The following LGR4 variants were observed in gnomAD, a reference collection of about 807,000 sequenced individuals.
The protein encoded by LGR4 is leucine rich repeat containing G protein-coupled receptor 4.
Under a neutral mutation model 84.8 loss-of-function variants are expected in LGR4, and 44 were observed. The observed-to-expected ratio is 0.52, with a 90% CI of 0.41 to 0.67. The LOEUF is 0.67. Ranked by LOEUF, LGR4 falls within the 30% of genes least tolerant of loss-of-function variation. LGR4 has a pLI of 0.00. For missense variants in LGR4, 1,032 were observed against 1,131.4 expected, an observed-to-expected ratio of 0.91 and a Z score of 1.26; for synonymous variants, 429 against 434.3, an observed-to-expected ratio of 0.99 and a Z score of 0.15.
chr11:27,405,635 C>T (rs1006114011), intron 2 of LGR4, among the ~76,000 whole-genome samples: 1 of 152,098 alleles, frequency 6.6e-6, no homozygotes, highest in Non-Finnish European at 1.5e-5. Flanking sequence ...TGCATTATTG[C>T]TAATTTTCGT....
intron 1 of LGR4, among the ~76,000 whole-genome samples, chr11:27,438,305 T>A (rs1481690910): frequency 6.6e-6 from 1 of 152,204 alleles, no homozygotes; most frequent in African/African-American, 2.4e-5. Context: ...ACCTAAGACA[T>A]TTATACTCTT....
intron 1 of LGR4, among the ~76,000 whole-genome samples, chr11:27,428,391 G>T (rs757227520): frequency 1.3e-5 from 2 of 152,028 alleles, no homozygotes; most frequent in African/African-American, 4.8e-5. Context: ...TGCCTGCCTC[G>T]GCCTCCCAAA....
chr11:27,383,416 T>A (rs1863134478), intron 6 of LGR4, among the ~76,000 whole-genome samples: 1 of 152,208 alleles, frequency 6.6e-6, no homozygotes, highest in Admixed American at 6.5e-5. Flanking sequence ...ACCTATTCAA[T>A]CTTTTATTTA....
intron 1 of LGR4, among the ~76,000 whole-genome samples, chr11:27,419,312 G>T (rs1863878975): frequency 6.6e-6 from 1 of 151,920 alleles, no homozygotes. Flanking sequence ...CACATGAAAA[G>T]ATGTTCATAG....
chr11:27,417,789 T>C (rs1018835586), intron 1 of LGR4, among the ~76,000 whole-genome samples: 2 of 152,224 alleles, frequency 1.3e-5, no homozygotes, highest in African/African-American at 2.4e-5. Flanking sequence ...TGAAATCGTA[T>C]AGTTCTGAAC....
intron 1 of LGR4, among the ~76,000 whole-genome samples, chr11:27,452,924 A>G (rs1864512087): frequency 6.6e-6 from 1 of 151,900 alleles, no homozygotes; most frequent in African/African-American, 2.4e-5. Context: ...TCTGTGTAAT[A>G]GCCTGTTGTA....
intron 2 of LGR4, among the ~76,000 whole-genome samples, chr11:27,409,608 A>G (rs751275333): frequency 1.3e-5 from 2 of 152,050 alleles, no homozygotes; most frequent in African/African-American, 2.4e-5. Flanking sequence ...CCTTCAGAAC[A>G]AGTCTAAATT....
At chr11:27,443,127 C>A (rs530564794) in intron 1 of LGR4, among the ~76,000 whole-genome samples, 1 of 152,110 alleles carries the variant, frequency 6.6e-6, no homozygotes, top group Non-Finnish European at 1.5e-5. Context: ...CACAAGGATG[C>A]CTCAAAAATG....
At chr11:27,377,007 C>T (rs567307138) in intron 12 of LGR4, 151 bp downstream of exon 12, 15 of 515,522 alleles carry the variant, frequency 2.9e-5, no homozygotes, top group African/African-American at 2.8e-4. Flanking sequence ...TGCATGAACA[C>T]ATCTGGTTCA....
At chr11:27,417,106 C>T (rs1487829367) in intron 1 of LGR4, among the ~76,000 whole-genome samples, 4 of 152,148 alleles carry the variant, frequency 2.6e-5, no homozygotes, top group Admixed American at 2.0e-4. Flanking sequence ...TAAATTTGAA[C>T]AAGCCCTCCT....
chr11:27,402,979 G>A (rs951216048), intron 2 of LGR4, among the ~76,000 whole-genome samples: 2 of 152,162 alleles, frequency 1.3e-5, no homozygotes, highest in African/African-American at 2.4e-5. Context: ...TCACCAGGCT[G>A]CAGATTTCAT....
At chr11:27,446,627 T>C (rs1345984855) in intron 1 of LGR4, among the ~76,000 whole-genome samples, 1 of 152,202 alleles carries the variant, frequency 6.6e-6, no homozygotes, top group African/African-American at 2.4e-5. Context: ...GACAATGTGG[T>C]GATTCCTCAA....
chr11:27,398,889 C>T (rs752182230), intron 2 of LGR4, among the ~76,000 whole-genome samples: 1 of 152,100 alleles, frequency 6.6e-6, no homozygotes. Context: ...GTTTTCTCCT[C>T]TTCCTCTTTC....
intron 1 of LGR4, among the ~76,000 whole-genome samples, chr11:27,460,298 A>T (rs933913701): frequency 1.3e-5 from 2 of 152,180 alleles, no homozygotes; most frequent in Admixed American, 6.5e-5. Flanking sequence ...TCATTGCAGC[A>T]GTGTTTGGCT....
chr11:27,433,202 T>C (rs1362308910), intron 1 of LGR4, among the ~76,000 whole-genome samples: 2 of 152,036 alleles, frequency 1.3e-5, no homozygotes, highest in Non-Finnish European at 2.9e-5. Flanking sequence ...CAGGGAACAC[T>C]CGTCTATTCT....
At chr11:27,444,645 G>A (rs1864357388) in intron 1 of LGR4, among the ~76,000 whole-genome samples, 1 of 152,024 alleles carries the variant, frequency 6.6e-6, no homozygotes, top group Non-Finnish European at 1.5e-5. Flanking sequence ...ATATAATTAG[G>A]GTGGATAAGA....
intron 1 of LGR4, among the ~76,000 whole-genome samples, chr11:27,454,996 G>C (rs1457533221): frequency 6.6e-6 from 1 of 152,074 alleles, no homozygotes; most frequent in African/African-American, 2.4e-5. Context: ...GTCAAAGAAA[G>C]GACCATCTCT....
Position 27,472,319 on chromosome 11 carries a change from C to T in LGR4, c.-17G>A, listed in dbSNP as rs1423250068. 8.3e-7 allele frequency: 1 copy of T among 1,197,752 alleles called. No individual in the cohort carries two copies. The highest frequency in any genetic ancestry group is 4.1e-5 in the South Asian group (1 of 24,132). The allele number at this position is 1,197,752 out of a possible 1,614,324, so 74.2% of individuals were successfully genotyped here. A position where few individuals can be genotyped will look rare whatever the true frequency, so the allele number is the denominator to read the frequency against. On this transcript the variant is annotated 5_prime_UTR_variant, in exon 1 of 18. Transcript: ENST00000379214. ...GCCCGGCATTGCTGCGGCCGCCTCC[C>T]GCGCCGGCCTCTCCCGCGGCGCTGC...
intron 1 of LGR4, among the ~76,000 whole-genome samples, chr11:27,440,483 G>A (rs1321882236): frequency 6.6e-6 from 1 of 152,142 alleles, no homozygotes; most frequent in Admixed American, 6.5e-5. Flanking sequence ...AAAGATTCCA[G>A]TTTTACAGAG....
Sources: allele counts gnomAD v4.1 joint callset (sites outside exome capture counted in the v4.1 genomes callset), GRCh38; gene constraint gnomAD v4.1.1; transcripts MANE v1.5; gene names NCBI Gene and HGNC (gene_info 2026-07-23, HGNC 2026-07-21).